The following DPEP2 variants were observed in gnomAD, a reference collection of about 807,000 sequenced individuals.
DPEP2 encodes the protein dipeptidase 2.
DPEP2 carries 45 observed loss-of-function variants against 51.8 expected under a neutral mutation model. That is an observed-to-expected ratio of 0.87 (90% CI 0.68 to 1.11). The LOEUF (loss-of-function observed/expected upper bound fraction) is 1.11. Among genes scored for constraint, DPEP2 ranks in the 50% most tolerant of loss-of-function variants. DPEP2 has a pLI of 0.00. For missense variants in DPEP2, 604 were observed against 631.9 expected (o/e 0.96, Z 0.47); for synonymous variants, 255 against 262.7 (o/e 0.97, Z 0.28).
At chr16:67,993,733 C>T in intron 1 of DPEP2, 1 of 986,092 alleles carries the variant, frequency 1.0e-6, no homozygotes, top group Non-Finnish European at 1.2e-6. Context: ...GACCACAGTG[C>T]TCTGGGCTCT....
chr16:67,987,400 T>A lies in DPEP2; in HGVS notation c.*106A>T. 2 of 1,476,622 alleles carry A rather than the reference T, an allele frequency of 1.4e-6. No homozygotes were observed. Among genetic ancestry groups the A allele is most frequent in the Admixed American group, 4.1e-5 (2 of 48,228 alleles). The allele number at this position is 1,476,622 out of a possible 1,614,324, so 91.5% of individuals were successfully genotyped here. Reference sequence around the variant, plus strand: ...AGAAGGAAACTCAGGTCTGTTTCTATGTCCAAAACATTTATTTCAGGAAAT... The same window carrying A: ...AGAAGGAAACTCAGGTCTGTTTCTAAGTCCAAAACATTTATTTCAGGAAAT... On this transcript the variant is annotated 3_prime_UTR_variant, in exon 11 of 11. Transcript: ENST00000393847.
intron 1 of DPEP2, among the ~76,000 whole-genome samples, chr16:67,997,214 G>C (rs1466682394): frequency 6.6e-6 from 1 of 151,068 alleles, no homozygotes; most frequent in Non-Finnish European, 1.5e-5. Flanking sequence ...TGTATTTTTA[G>C]TAGAGATGGG....
In DPEP2 at chr16:67,991,265, C is replaced by T; in HGVS notation, c.663-81G>A. 7.1e-7 allele frequency: 1 copy of T among 1,399,038 alleles called. No individual in the cohort carries two copies. Among genetic ancestry groups the T allele is most frequent in the Non-Finnish European group, 9.9e-7 (1 of 1,010,534 alleles). The allele number at this position is 1,399,038 out of a possible 1,614,324, so 86.7% of individuals were successfully genotyped here. A position where few individuals can be genotyped will look rare whatever the true frequency, so the allele number is the denominator to read the frequency against. ...CTAGAGGCCCTACCCACCCTCCATCCCTGCACCCCCCTGAAACAAAAACAG... is the reference window on the plus strand; with the variant it reads ...CTAGAGGCCCTACCCACCCTCCATCTCTGCACCCCCCTGAAACAAAAACAG... On this transcript the variant is annotated intron_variant, in intron 5 of 10. Coordinates refer to ENST00000393847, the MANE Select transcript of DPEP2 (RefSeq NM_022355.4). The surrounding 1 kb of genome is among the most constrained non-coding windows in gnomAD (Gnocchi z 5.1).
At position 67,991,890 on chromosome 16, in the gene DPEP2, A is replaced by G. The variant is rs1162779343; in HGVS notation, c.610T>C (p.Tyr204His). 1 of 1,614,174 alleles carries G rather than the reference A, an allele frequency of 6.2e-7. No homozygotes were observed. The change falls in exon 5 of 11, where the codon TAC becomes CAC. Residue 204 changes from tyrosine to histidine, a missense_variant. Physicochemically the swap from Tyr to His is moderately conservative, Grantham distance 83. Coordinates refer to ENST00000393847, the MANE Select transcript of DPEP2 (RefSeq NM_022355.4). This position sits in a 1 kb window ranked among gnomAD's most constrained non-coding sequence, Gnocchi z 5.1. ...DNSLSILRTF[Y>H]MLGVRYLTLT... ...GTCAGGTAGCGCACTCCCAGCATGT[A>G]GAAGGTACGTAAGATGGAGAGGCTA...
At chr16:67,993,438 TC>T (rs2032444070) in intron 1 of DPEP2, 181 bp from the exon 2 acceptor site, 1 of 1,254,048 alleles carries the variant, frequency 8.0e-7, no homozygotes, top group African/African-American at 1.6e-5. Flanking sequence ...CCCGCCGTCA[TC>T]CCCAAGGGCG....
chr16:67,997,839 G>C (rs538649308), intron 1 of DPEP2, among the ~76,000 whole-genome samples: 18 of 152,310 alleles, frequency 1.2e-4, no homozygotes, highest in African/African-American at 4.3e-4. Context: ...CTTTGAAGCA[G>C]GGTTGGTGGG....
intron 7 of DPEP2, 65 bp downstream of exon 7, chr16:67,990,756 G>A: frequency 9.1e-6 from 14 of 1,545,698 alleles, no homozygotes; most frequent in Non-Finnish European, 1.2e-5. Context: ...GAGCCACCAT[G>A]CCTGGCCGAA....
intron 9 of DPEP2, among the ~76,000 whole-genome samples, chr16:67,988,904 C>T (rs2031764484): frequency 6.7e-6 from 1 of 148,890 alleles, no homozygotes; most frequent in African/African-American, 2.5e-5. Flanking sequence ...AGAGCAAGAC[C>T]CTGAGAAGAA....
chr16:67,993,775 T>C (rs2032481700), intron 1 of DPEP2: 2 of 985,458 alleles, frequency 2.0e-6, no homozygotes, highest in Non-Finnish European at 1.2e-6. Context: ...TGTGGGTGGG[T>C]GTGGGGGAGA....
At chr16:67,995,711 C>T (rs777389334) in intron 1 of DPEP2, among the ~76,000 whole-genome samples, 4 of 152,176 alleles carry the variant, frequency 2.6e-5, no homozygotes, top group Non-Finnish European at 4.4e-5. Flanking sequence ...CACCCGTGAT[C>T]CCAGCACTTT....
chr16:67,989,263 A>G, intron 9 of DPEP2, 60 bp downstream of exon 9: 1 of 1,580,688 alleles, frequency 6.3e-7, no homozygotes. Context: ...GGCTATGGTG[A>G]CCGTGAAGGC....
rs953720608 is a variant in DPEP2 at position 67,989,800 on chromosome 16, A to C, written c.994+247T>G. On this transcript the variant is annotated intron_variant, in intron 8 of 10. Coordinates refer to ENST00000393847, the MANE Select transcript of DPEP2 (RefSeq NM_022355.4). ...CTAGTCTCTTGGCCAGAGGCCGAGG[A>C]AGGGTGCTTTGGGGATCCCCTGCAG... is the stretch of plus-strand genomic sequence containing the variant. Among the ~76,000 whole-genome samples, 3 of 152,166 alleles carry C rather than the reference A, an allele frequency of 2.0e-5. No individual in the cohort carries two copies. In the South Asian group the frequency reaches 6.2e-4, roughly 32 times the overall value.
At chr16:67,996,123 T>A (rs2032677698) in intron 1 of DPEP2, among the ~76,000 whole-genome samples, 1 of 151,820 alleles carries the variant, frequency 6.6e-6, no homozygotes, top group Non-Finnish European at 1.5e-5. Context: ...ACTGCAGCCT[T>A]AACCTCTCAG....
intron 7 of DPEP2, 61 bp from the exon 8 acceptor site, chr16:67,990,192 G>A: frequency 6.6e-7 from 1 of 1,520,276 alleles, no homozygotes. Flanking sequence ...TTCCTGCCCT[G>A]CCACCCTCTG....
rs368353371 is a variant in DPEP2 at position 67,990,111 on chromosome 16, C to G, written c.930G>C (p.Val310=). 8 of 1,614,000 alleles carry G rather than the reference C, an allele frequency of 5.0e-6. No homozygotes were observed. The highest frequency in any genetic ancestry group is 6.8e-6 in the Non-Finnish European group (8 of 1,180,022). ...TTACTCCCATGGACAAAGACACCATCACGACGCCACCGTTCTTCTTCTGCA... is the reference window on the plus strand; with the variant it reads ...TTACTCCCATGGACAAAGACACCATGACGACGCCACCGTTCTTCTTCTGCA... The part of the protein sequence containing the change: ...LQLLKKNGGV[V]MVSLSMGVIQ... Residue 310 remains valine, a synonymous_variant, in exon 8 of 11, where the codon GTG becomes GTC. Coordinates refer to ENST00000393847, the MANE Select transcript of DPEP2 (RefSeq NM_022355.4).
chr16:67,995,190 G>A (rs138305924), intron 1 of DPEP2, among the ~76,000 whole-genome samples: 1 of 152,168 alleles, frequency 6.6e-6, no homozygotes, highest in East Asian at 1.9e-4. Context: ...GTGAGCTACC[G>A]CACCTGGGCT....
chr16:67,998,756 C>T (rs1004316581), intron 1 of DPEP2, among the ~76,000 whole-genome samples: 1 of 152,234 alleles, frequency 6.6e-6, no homozygotes, highest in Non-Finnish European at 1.5e-5. Context: ...CAGTATCTAG[C>T]TCAAGGTTTG....
intron 1 of DPEP2, among the ~76,000 whole-genome samples, chr16:67,998,451 G>C (rs764251736): frequency 4.6e-5 from 7 of 152,216 alleles, no homozygotes; most frequent in East Asian, 1.9e-4. Context: ...TGCCTTCCCG[G>C]GGGGGCAGGG....
rs1193018145 is a variant in DPEP2 at position 67,994,918 on chromosome 16, T to C, written c.-45-1661A>G. ...GAAGGGGGTCTTTTTTTGTTTGTTT[T>C]GAGACAGAGTCTCACTTTGTTGCCC... is the stretch of plus-strand genomic sequence containing the variant. On this transcript the variant is annotated intron_variant, in intron 1 of 10. Transcript: ENST00000393847. 4 of 985,116 alleles carry C rather than the reference T, an allele frequency of 4.1e-6. No individual in the cohort carries two copies. The African/African-American group carries it at 5.2e-5, about 13-fold the overall frequency. 61.0% of individuals were successfully genotyped at this position (985,116 alleles called of 1,614,324 possible).
Sources: allele counts gnomAD v4.1 joint callset (sites outside exome capture counted in the v4.1 genomes callset), GRCh38; gene constraint gnomAD v4.1.1; non-coding constraint Gnocchi (gnomAD v3.1); transcripts MANE v1.5; gene names NCBI Gene and HGNC (gene_info 2026-07-23, HGNC 2026-07-21).